NUP210L: variants seen among roughly 807,000 people sequenced by gnomAD.
NUP210L encodes the protein nuclear pore membrane glycoprotein 210-like.
Under a neutral mutation model 208.5 loss-of-function variants are expected in NUP210L, and 74 were observed. That is an observed-to-expected ratio of 0.35 (90% CI 0.29 to 0.43). The LOEUF is 0.43. Among genes scored for constraint, NUP210L ranks in the 20% least tolerant of loss-of-function variants. The probability of loss-of-function intolerance (pLI) is 1.00; values close to 1 mark genes in which losing one functional copy is unlikely to be tolerated. For missense variants in NUP210L, 1,843 were observed against 2,289.4 expected, an observed-to-expected ratio of 0.81 and a Z score of 3.98; for synonymous variants, 780 against 816.9, an observed-to-expected ratio of 0.95 and a Z score of 0.77.
intron 4 of NUP210L, 23 bp downstream of exon 4, chr1:154,141,408 T>C: frequency 1.4e-6 from 2 of 1,430,948 alleles, no homozygotes; most frequent in African/African-American, 1.4e-5. Flanking sequence ...AGTCAGATGA[T>C]TTATGTTTGG....
intron 14 of NUP210L, among the ~76,000 whole-genome samples, chr1:154,096,071 T>C (rs1656164762): frequency 6.6e-6 from 1 of 152,172 alleles, no homozygotes; most frequent in African/African-American, 2.4e-5. Context: ...CGTTAGGTAT[T>C]TCTCCTAATG....
intron 16 of NUP210L, among the ~76,000 whole-genome samples, chr1:154,078,696 G>A (rs1357343248): frequency 6.6e-6 from 1 of 152,030 alleles, no homozygotes; most frequent in Admixed American, 6.6e-5. Context: ...CAAGGGACAG[G>A]AAATGGGTTT....
intron 27 of NUP210L, among the ~76,000 whole-genome samples, chr1:154,043,113 G>A (rs1456015846): frequency 2.0e-5 from 3 of 147,446 alleles, no homozygotes; most frequent in Non-Finnish European, 3.0e-5. Context: ...TCTGCCTCCC[G>A]GGTTCAAGGA....
At chr1:154,094,832 G>A in intron 15 of NUP210L, 103 bp downstream of exon 15, 1 of 798,194 alleles carries the variant, frequency 1.3e-6, no homozygotes, top group East Asian at 2.7e-5. Context: ...TTCCTATTTA[G>A]TCCATAAACT....
intron 30 of NUP210L, 134 bp from the exon 31 acceptor site, chr1:154,023,431 C>T: frequency 1.5e-6 from 1 of 661,566 alleles, no homozygotes; most frequent in East Asian, 2.9e-5. Flanking sequence ...TGTGAGATGA[C>T]TTAAGTCAGA....
At chr1:154,094,564 A>G (rs1243087044) in intron 15 of NUP210L, among the ~76,000 whole-genome samples, 1 of 152,222 alleles carries the variant, frequency 6.6e-6, no homozygotes, top group Non-Finnish European at 1.5e-5. Context: ...ATTGCTAACC[A>G]TAGATGATAC....
At chr1:154,141,250 G>A (rs1299597967) in intron 4 of NUP210L, among the ~76,000 whole-genome samples, 181 bp downstream of exon 4, 1 of 152,110 alleles carries the variant, frequency 6.6e-6, no homozygotes, top group Non-Finnish European at 1.5e-5. Context: ...GATCATAAAG[G>A]TACCTACATC....
At chr1:154,040,632 G>T (rs956534646) in intron 27 of NUP210L, among the ~76,000 whole-genome samples, 13 of 151,518 alleles carry the variant, frequency 8.6e-5, no homozygotes, top group Admixed American at 2.0e-4. Context: ...TGTCGCCCAG[G>T]CTGGAGTGCA....
intron 27 of NUP210L, among the ~76,000 whole-genome samples, chr1:154,037,378 A>T (rs1652615552): frequency 6.6e-6 from 1 of 152,150 alleles, no homozygotes; most frequent in African/African-American, 2.4e-5. Context: ...TTGGGTGCAT[A>T]TATATTTATA....
At chr1:154,019,134 A>G (rs1651419250) in intron 32 of NUP210L, 65 bp from the exon 33 acceptor site, 2 of 1,534,454 alleles carry the variant, frequency 1.3e-6, no homozygotes, top group Non-Finnish European at 1.8e-6. Context: ...GGACTTATTC[A>G]TACTCCAAAT....
intron 10 of NUP210L, among the ~76,000 whole-genome samples, chr1:154,123,611 C>A (rs1342503326): frequency 6.6e-6 from 1 of 152,084 alleles, no homozygotes; most frequent in East Asian, 1.9e-4. Context: ...GTTTCCATGG[C>A]TCACTCCTAC....
chr1:154,150,682 C>T (rs79314597), intron 2 of NUP210L, among the ~76,000 whole-genome samples: 3 of 56,300 alleles, frequency 5.3e-5, no homozygotes, highest in Admixed American at 1.5e-4. Context: ...GAGCCAAGAT[C>T]GCGCCATTGC....
At position 154,080,749 on chromosome 1, in the gene NUP210L, ATCAG is replaced by A. The variant is rs1557962586; in HGVS notation, c.2361+8668_2361+8671del. On this transcript the variant is annotated intron_variant, in intron 16 of 39. Transcript: ENST00000368559. ...CACTTTGGGAGGCCAAGGCAGGTAA[ATCAG>A]TCAAAGTCAGGAGTTTGAGACCAGC... 2.8e-4 allele frequency among the ~76,000 whole-genome samples: 42 copies of A among 152,136 alleles called. 2 individuals are homozygous for A. The South Asian group carries it at 8.7e-3, about 32-fold the overall frequency.
rs142905479 is a variant in NUP210L at position 154,027,335 on chromosome 1, C to T, written c.3947+171G>A. Reference sequence around the variant, plus strand: ...CACAATATTGTGAATGTACTAAATGCCACTGAATTTTACACTTTACAATAG... The same window carrying T: ...CACAATATTGTGAATGTACTAAATGTCACTGAATTTTACACTTTACAATAG... On this transcript the variant is annotated intron_variant, in intron 29 of 39. Coordinates refer to ENST00000368559, the Ensembl canonical transcript of NUP210L. 7.5e-3 allele frequency among the ~76,000 whole-genome samples: 1,135 copies of T among 152,216 alleles called. 11 individuals carry two copies. Among genetic ancestry groups the T allele is most frequent in the Non-Finnish European group, 9.4e-3 (642 of 68,020 alleles).
At chr1:154,008,001 A>G (rs1316441863) in intron 35 of NUP210L, among the ~76,000 whole-genome samples, 2 of 151,830 alleles carry the variant, frequency 1.3e-5, no homozygotes, top group African/African-American at 4.8e-5. Flanking sequence ...CCTCCCGAGT[A>G]GCTGGGGCTA....
intron 28 of NUP210L, 110 bp downstream of exon 28, chr1:154,029,786 G>A (rs1008039452): frequency 2.3e-5 from 18 of 787,268 alleles, no homozygotes; most frequent in Admixed American, 5.8e-5. Context: ...TCCAGGAATC[G>A]CTCTAACAAT....
Position 154,024,688 on chromosome 1 carries a change from A to ATTT in NUP210L, c.4122+851_4122+853dup, listed in dbSNP as rs35432384. Among the ~76,000 whole-genome samples the ATTT allele has an allele frequency of 4.2e-3, 576 of 136,472 alleles. 3 individuals are homozygous for ATTT. Among genetic ancestry groups the ATTT allele is most frequent in the Middle Eastern group, 0.011 (3 of 264 alleles). 89.5% of individuals were successfully genotyped at this position (136,472 alleles called of 152,430 possible). A position where few individuals can be genotyped will look rare whatever the true frequency, so the allele number is the denominator to read the frequency against. ...CAGACATGTGCCACCAAGCCCGGCTATTTTTTTTTTTTTTTCATTTTTTGT... is the reference window on the plus strand; with the variant it reads ...CAGACATGTGCCACCAAGCCCGGCTATTTTTTTTTTTTTTTTTTCATTTTTTGT... On this transcript the variant is annotated intron_variant, in intron 30 of 39. Transcript: ENST00000368559.
chr1:154,017,662 G>A (rs568858573), intron 33 of NUP210L, among the ~76,000 whole-genome samples: 2 of 151,584 alleles, frequency 1.3e-5, no homozygotes, highest in Admixed American at 1.3e-4. Flanking sequence ...GATTACAGGT[G>A]TGTGCCACCA....
At chr1:153,994,838 C>G (rs1649729252) in intron 38 of NUP210L, among the ~76,000 whole-genome samples, 1 of 151,292 alleles carries the variant, frequency 6.6e-6, no homozygotes. Flanking sequence ...ATGGTGAAAC[C>G]CCGTCTCTAC....
Sources: allele counts gnomAD v4.1 joint callset (sites outside exome capture counted in the v4.1 genomes callset), GRCh38; gene constraint gnomAD v4.1.1; transcripts MANE v1.5; gene names NCBI Gene and HGNC (gene_info 2026-07-23, HGNC 2026-07-21).